The following DTNB variants were observed in gnomAD, a reference collection of about 807,000 sequenced individuals.
DTNB encodes dystrobrevin beta.
DTNB carries 63 observed loss-of-function variants against 90.7 expected under a neutral mutation model. The ratio of observed to expected loss-of-function variants is 0.69; its 90% CI spans 0.57 to 0.86. The LOEUF (loss-of-function observed/expected upper bound fraction) is 0.86. Ranked by LOEUF, DTNB falls within the 40% of genes least tolerant of loss-of-function variation. The pLI, the probability that DTNB is intolerant of heterozygous loss-of-function variation, is 0.00. For missense variants in DTNB, 744 were observed against 807.1 expected, an observed-to-expected ratio of 0.92 and a Z score of 0.95; for synonymous variants, 277 against 286.7, an observed-to-expected ratio of 0.97 and a Z score of 0.34.
At position 25,427,599 on chromosome 2, in the gene DTNB, G is replaced by A. The variant is rs368115598; in HGVS notation, c.1490C>T (p.Ser497Leu). The change falls in exon 15 of 21, where the codon TCG becomes TTG. Residue 497 changes from serine to leucine, a missense_variant. Transcript: ENST00000406818. ...QRKDELEQRM[S>L]ALQESRRELM... ...CTCCCGCCTGCTCTCCTGCAGGGCC[G>A]ACATCCTCTGCTCCAGTTCATCCTT... 8 of 1,613,404 alleles carry A rather than the reference G, an allele frequency of 5.0e-6. No individual in the cohort carries two copies. In the Admixed American group the frequency reaches 5.0e-5, roughly 10 times the overall value.
chr2:25,499,617 C>T (rs2069957049), intron 9 of DTNB, among the ~76,000 whole-genome samples: 1 of 152,188 alleles, frequency 6.6e-6, no homozygotes, highest in Non-Finnish European at 1.5e-5. Flanking sequence ...AATTAGAAGT[C>T]CCTGCTATAT....
chr2:25,609,707 C>CAAAA (rs34601827), intron 4 of DTNB, among the ~76,000 whole-genome samples: 1 of 88,706 alleles, frequency 1.1e-5, no homozygotes, highest in South Asian at 3.9e-4. Flanking sequence ...CACACACACA[C>CAAAA]AAAATTAAAA....
chr2:25,669,517 T>C (rs1322021468), intron 1 of DTNB, among the ~76,000 whole-genome samples: 2 of 152,180 alleles, frequency 1.3e-5, no homozygotes, highest in African/African-American at 4.8e-5. Context: ...AAATTTTTCA[T>C]AAATATGACA....
At chr2:25,668,100 A>G (rs1029988971) in intron 1 of DTNB, among the ~76,000 whole-genome samples, 16 of 151,974 alleles carry the variant, frequency 1.1e-4, no homozygotes, top group African/African-American at 3.6e-4. Flanking sequence ...TTAGCCAGGC[A>G]TGGTGGCGGA....
intron 8 of DTNB, among the ~76,000 whole-genome samples, chr2:25,565,015 T>G (rs970718974): frequency 6.6e-6 from 1 of 152,166 alleles, no homozygotes; most frequent in Non-Finnish European, 1.5e-5. Context: ...TTGTGTGTGT[T>G]AGGATTTTCT....
In DTNB at chr2:25,424,489, C is replaced by T. The variant is rs947181315; in HGVS notation, c.1554+3046G>A. Among the ~76,000 whole-genome samples the T allele has an allele frequency of 6.6e-6, 1 of 152,084 alleles. No homozygotes were observed. Among genetic ancestry groups the T allele is most frequent in the African/African-American group, 2.4e-5 (1 of 41,392 alleles). On this transcript the variant is annotated intron_variant, in intron 15 of 20. Coordinates refer to ENST00000406818, the MANE Select transcript of DTNB (RefSeq NM_021907.5). The surrounding 1 kb of genome is among the most constrained non-coding windows in gnomAD (Gnocchi z 4.1). ...TCACTAAGACAATCCAACTGAAAGG[C>T]AATGGTACAAGGTTACTTAGGGGAG...
chr2:25,420,876 C>T (rs1044694919), intron 15 of DTNB, among the ~76,000 whole-genome samples: 2 of 152,196 alleles, frequency 1.3e-5, no homozygotes, highest in Non-Finnish European at 2.9e-5. Context: ...CTATCAGACA[C>T]TGCAGGAAAA....
chr2:25,380,845 C>T (rs1427222750), intron 19 of DTNB, among the ~76,000 whole-genome samples: 1 of 146,638 alleles, frequency 6.8e-6, no homozygotes, highest in Non-Finnish European at 1.5e-5. Context: ...CCTGGAGGCC[C>T]GGGCAAGGGA....
rs753751618 is a variant in DTNB, at chr2:25,387,253, G to A, written c.1825+36C>T. On this transcript the variant is annotated intron_variant, in intron 18 of 20. Transcript: ENST00000406818. This position sits in a 1 kb window ranked among gnomAD's most constrained non-coding sequence, Gnocchi z 4.5. The stretch of plus-strand genomic sequence containing the variant: ...TGAGAAGGGCGCGGGCAAGGCAGGG[G>A]AGGCCAGGAAGCTGGCTGGGAGCTC... The A allele has an allele frequency of 2.5e-6, 4 of 1,593,762 alleles. No homozygotes were observed. Among genetic ancestry groups the A allele is most frequent in the African/African-American group, 2.7e-5 (2 of 74,572 alleles).
At chr2:25,408,969 G>A (rs1433715028) in intron 16 of DTNB, among the ~76,000 whole-genome samples, 1 of 152,200 alleles carries the variant, frequency 6.6e-6, no homozygotes, top group Non-Finnish European at 1.5e-5. Flanking sequence ...GCACAACAGA[G>A]AGGAAGAATG....
rs1353804039 is a variant in DTNB, at chr2:25,422,378, G to A, written c.1555-2843C>T. ...CAGAATTCATCTGGTAAATGTAAATGAGTTTCCTTTTCTCTTCTTTTTTTT... is the reference window on the plus strand; with the variant it reads ...CAGAATTCATCTGGTAAATGTAAATAAGTTTCCTTTTCTCTTCTTTTTTTT... On this transcript the variant is annotated intron_variant, in intron 15 of 20. Coordinates refer to ENST00000406818, the MANE Select transcript of DTNB (RefSeq NM_021907.5). Among the ~76,000 whole-genome samples, 3 of 145,000 alleles carry A rather than the reference G, an allele frequency of 2.1e-5. No individual in the cohort carries two copies. In the East Asian group the frequency reaches 6.3e-4, roughly 31 times the overall value.
chr2:25,609,705 CACAA>C (rs1294292107), intron 4 of DTNB, among the ~76,000 whole-genome samples: 11 of 89,204 alleles, frequency 1.2e-4, no homozygotes, highest in Admixed American at 3.2e-4. Context: ...CACACACACA[CACAA>C]AATTAAAAAT....
intron 8 of DTNB, among the ~76,000 whole-genome samples, chr2:25,554,864 G>A (rs1264289970): frequency 6.6e-6 from 1 of 152,048 alleles, no homozygotes; most frequent in Non-Finnish European, 1.5e-5. Flanking sequence ...ATACATATGA[G>A]TAATAAAAAA....
At chr2:25,571,184 T>C (rs73922432) in intron 8 of DTNB, among the ~76,000 whole-genome samples, 11,691 of 152,230 alleles carry the variant, frequency 0.077, 1,437 homozygotes, top group African/African-American at 0.26. Context: ...TACAACATAT[T>C]GTAATTCAAT....
rs747400947 is a variant in DTNB, at chr2:25,628,284, A to G, written c.249T>C (p.Thr83=). Residue 83 remains threonine (T), a synonymous_variant, in exon 4 of 21, where the codon ACT becomes ACC. Transcript: ENST00000406818. The part of the protein sequence containing the change: ...TTEISVSRLE[T]VISSIYYQLN... Reference sequence around the variant, plus strand: ...ACTGATAGTAGATGGAGGAGATGACAGTTTCGAGGCGGGACACACTGATCT... The same window carrying G: ...ACTGATAGTAGATGGAGGAGATGACGGTTTCGAGGCGGGACACACTGATCT... The G allele has an allele frequency of 9.9e-6, 16 of 1,612,488 alleles. No homozygotes were observed. The East Asian group carries it at 1.1e-4, about 11-fold the overall frequency.
chr2:25,400,591 G>C (rs2043463943), intron 16 of DTNB, among the ~76,000 whole-genome samples: 1 of 152,194 alleles, frequency 6.6e-6, no homozygotes, highest in Admixed American at 6.5e-5. Flanking sequence ...CCAATGATAG[G>C]CACAAAAGAC....
intron 16 of DTNB, among the ~76,000 whole-genome samples, chr2:25,402,303 G>A (rs1418500019): frequency 6.6e-6 from 1 of 152,208 alleles, no homozygotes; most frequent in Admixed American, 6.5e-5. Context: ...GAAGTGCTCA[G>A]AGAATGGAGA....
intron 10 of DTNB, among the ~76,000 whole-genome samples, chr2:25,473,779 G>A (rs1286342020): frequency 6.6e-6 from 1 of 152,174 alleles, no homozygotes; most frequent in Non-Finnish European, 1.5e-5. Flanking sequence ...GGAGAAATCT[G>A]AAAACGATCC....
chr2:25,418,798 A>T (rs575365086), intron 16 of DTNB, among the ~76,000 whole-genome samples: 1 of 152,336 alleles, frequency 6.6e-6, no homozygotes, highest in Non-Finnish European at 1.5e-5. Flanking sequence ...GCTTCAGCTT[A>T]AAAAATGTAT....
Sources: allele counts gnomAD v4.1 joint callset (sites outside exome capture counted in the v4.1 genomes callset), GRCh38; gene constraint gnomAD v4.1.1; non-coding constraint Gnocchi (gnomAD v3.1); transcripts MANE v1.5; gene names NCBI Gene and HGNC (gene_info 2026-07-23, HGNC 2026-07-21).